Variants in CHADL observed in about 807,000 individuals in gnomAD.
The protein encoded by CHADL is chondroadherin like, also known as chondroadherin-like protein.
CHADL carries 48 observed loss-of-function variants against 52.1 expected under a neutral mutation model. The observed-to-expected ratio is 0.92, with a 90% CI of 0.73 to 1.17. CHADL has a LOEUF of 1.17. CHADL is among the 50% of genes most tolerant of loss of function. The probability of loss-of-function intolerance (pLI) is 0.00; values close to 1 mark genes in which losing one functional copy is unlikely to be tolerated. For synonymous variants in CHADL, 498 were observed against 511.2 expected (o/e 0.97, Z 0.35); for missense variants, 977 against 1,035.1 (o/e 0.94, Z 0.77).
In CHADL at chr22:41,230,079, G is replaced by A. The variant is rs560145749; in HGVS notation, c.2263-349C>T. ...GCCAGGTCCCTTTCCCAGCTCCTCC[G>A]CCCCCACCCCTCCCAGAGTTATTTA... On this transcript the variant is annotated intron_variant, in intron 5 of 5. Coordinates refer to ENST00000216241, the MANE Select transcript of CHADL (RefSeq NM_138481.2). 1,059 of 536,914 alleles carry A rather than the reference G, an allele frequency of 2.0e-3. 16 individuals are homozygous for A. The South Asian group carries it at 0.029, about 15-fold the overall frequency. The allele number at this position is 536,914 out of a possible 1,614,324, so 33.3% of individuals were successfully genotyped here.
At chr22:41,236,209 C>T (rs1055572624) in intron 4 of CHADL, among the ~76,000 whole-genome samples, 51 of 152,212 alleles carry the variant, frequency 3.4e-4, no homozygotes, top group African/African-American at 1.1e-3. Context: ...AAAGTGGTCT[C>T]GCCTACCTAT....
At position 41,237,213 on chromosome 22, in the gene CHADL, A is replaced by T; in HGVS notation, c.1859T>A (p.Leu620Gln). The change falls in exon 3 of 6, where the codon CTG (leucine) becomes CAG (glutamine). Residue 620 changes from leucine to glutamine, a missense_variant. Transcript: ENST00000216241. ...DGAFQPVGRS[L>Q]QHLFLNSSGL... ...ACTGCTGTTCAGGAAGAGGTGCTGC[A>T]GCGACCTGCCCACAGGCTGGAAGGC... 3 of 1,548,646 alleles carry T rather than the reference A, an allele frequency of 1.9e-6. No individual in the cohort carries two copies. Among genetic ancestry groups the T allele is most frequent in the Non-Finnish European group, 2.6e-6 (3 of 1,145,714 alleles).
Position 41,237,560 on chromosome 22 carries a change from T to C in CHADL, c.1512A>G (p.Leu504=), listed in dbSNP as rs1395001652. Residue 504 remains leucine (L), a synonymous_variant, in exon 3 of 6, where the codon CTA becomes CTG. Coordinates refer to ENST00000216241, the MANE Select transcript of CHADL (RefSeq NM_138481.2). ...GCACCTGCAGGAAACGGTTGCGTTC[T>C]AGGTACAGGTAGCCGAGGCGGGGAG... ...EGAPRLGYLY[L]ERNRFLQVPG... 5.2e-6 allele frequency: 8 copies of C among 1,550,320 alleles called. 1 individual carries two copies. The highest frequency in any genetic ancestry group is 3.6e-5 in the South Asian group (3 of 84,066).
At chr22:41,239,707 G>A in intron 1 of CHADL, 87 bp from the exon 2 acceptor site, 5 of 1,272,040 alleles carry the variant, frequency 3.9e-6, no homozygotes, top group Non-Finnish European at 4.2e-6. Flanking sequence ...TGCAGCTCCT[G>A]CCCCAAAAAC....
chr22:41,232,065 G>A (rs1042066998), intron 5 of CHADL, among the ~76,000 whole-genome samples: 10 of 152,202 alleles, frequency 6.6e-5, no homozygotes, highest in South Asian at 2.1e-4. Context: ...GGGCGCGGTG[G>A]CTCACGCCTG....
Position 41,235,141 on chromosome 22 carries a change from C to T in CHADL, c.2262+4G>A. The T allele has an allele frequency of 6.4e-7, 1 of 1,551,084 alleles. No homozygotes were observed. The highest frequency in any genetic ancestry group is 8.7e-7 in the Non-Finnish European group (1 of 1,147,020). ...GGTCTCACCCCTCCTGCCCCATGGC[C>T]AACCTTATCTGCTCCACACTGTCTT... On this transcript the variant is annotated splice_donor_region_variant and intron_variant, in intron 5 of 5. Coordinates refer to ENST00000216241, the MANE Select transcript of CHADL (RefSeq NM_138481.2).
intron 5 of CHADL, chr22:41,230,343 G>C (rs1311816808): frequency 1.1e-6 from 1 of 921,502 alleles, no homozygotes; most frequent in Non-Finnish European, 1.7e-6. Flanking sequence ...TTGGCTTGGA[G>C]ACTGATCCTC....
intron 5 of CHADL, chr22:41,230,337 C>A: frequency 1.0e-6 from 1 of 969,088 alleles, no homozygotes; most frequent in South Asian, 1.4e-5. Context: ...CTGACTTTGG[C>A]TTGGAGACTG....
intron 5 of CHADL, among the ~76,000 whole-genome samples, chr22:41,232,719 G>T (rs537552608): frequency 6.6e-6 from 1 of 152,146 alleles, no homozygotes; most frequent in Non-Finnish European, 1.5e-5. Flanking sequence ...GTGTGTAGGG[G>T]TGGGGACCCG....
Position 41,237,980 on chromosome 22 carries a change from T to C in CHADL, c.1092A>G (p.Glu364=). The C allele has an allele frequency of 7.9e-7, 1 of 1,259,580 alleles. No individual in the cohort carries two copies. Among genetic ancestry groups the C allele is most frequent in the South Asian group, 3.0e-5 (1 of 33,182 alleles). The allele number at this position is 1,259,580 out of a possible 1,614,324, so 78.0% of individuals were successfully genotyped here. A position where few individuals can be genotyped will look rare whatever the true frequency, so the allele number is the denominator to read the frequency against. Reference sequence around the variant, plus strand: ...CAGCCCGCTCTTCCAGCTCTTCCTCTTCCTGCGCCGCGTCCCCAGGGCAGC... The same window carrying C: ...CAGCCCGCTCTTCCAGCTCTTCCTCCTCCTGCGCCGCGTCCCCAGGGCAGC... ...DLRCPGDAAQ[E]EEELEERAVA... The change falls in exon 3 of 6, where the codon GAA becomes GAG. Residue 364 remains glutamate, a synonymous_variant. Transcript: ENST00000216241.
chr22:41,230,052 G>A (rs2032480052), intron 5 of CHADL: 6 of 959,974 alleles, frequency 6.3e-6, no homozygotes, highest in Non-Finnish European at 8.1e-6. Flanking sequence ...CATCTGTAGG[G>A]AGCCAGGTCC....
chr22:41,232,077 A>C (rs952388811), intron 5 of CHADL, among the ~76,000 whole-genome samples: 2 of 152,196 alleles, frequency 1.3e-5, no homozygotes, highest in Non-Finnish European at 2.9e-5. Context: ...TCACGCCTGT[A>C]ATCCCAGCAC....
Position 41,238,292 on chromosome 22 carries a change from C to A in CHADL, c.780G>T (p.Leu260=). ...GGGCCTGCAGGGCCCCGCCGTCCAG[C>A]AGCAGCTCCCGCAGGCCGGGCAGCG... ...GLALPGLREL[L]LDGGALQALG... The change falls in exon 3 of 6, where the codon CTG becomes CTT. Residue 260 remains leucine, a synonymous_variant. Coordinates refer to ENST00000216241, the MANE Select transcript of CHADL (RefSeq NM_138481.2). The surrounding 1 kb of genome is among the most constrained non-coding windows in gnomAD (Gnocchi z 4.9). 1.3e-6 allele frequency: 2 copies of A among 1,529,050 alleles called. No homozygotes were observed. Among genetic ancestry groups the A allele is most frequent in the Non-Finnish European group, 1.7e-6 (2 of 1,144,088 alleles). 94.7% of individuals were successfully genotyped at this position (1,529,050 alleles called of 1,614,324 possible).
intron 2 of CHADL, 48 bp downstream of exon 2, chr22:41,239,395 C>T (rs1439257267): frequency 2.0e-6 from 3 of 1,523,690 alleles, no homozygotes; most frequent in African/African-American, 2.8e-5. Context: ...CTCTGGGTCC[C>T]CACCTTGCCC....
chr22:41,240,062 C>T (rs1022115610), intron 1 of CHADL, among the ~76,000 whole-genome samples: 2 of 152,098 alleles, frequency 1.3e-5, no homozygotes, highest in Non-Finnish European at 2.9e-5. Flanking sequence ...GCATCCAGTC[C>T]GGGTCCTTGA....
intron 1 of CHADL, among the ~76,000 whole-genome samples, chr22:41,240,452 C>T (rs1457345928): frequency 1.3e-5 from 2 of 152,336 alleles, no homozygotes; most frequent in East Asian, 1.9e-4. Flanking sequence ...TGTTCCCCGG[C>T]CCCCAGGAGC....
chr22:41,240,900 T>A lies in CHADL; in HGVS notation c.-19A>T. ...CCTCCATGCCGCCTGGAACTGCTGG[T>A]CCAGCCTGGAGGCGCAGCGCAGGGA... On this transcript the variant is annotated 5_prime_UTR_variant, in exon 1 of 6. Transcript: ENST00000216241. 1 of 1,549,208 alleles carries A rather than the reference T, an allele frequency of 6.5e-7. No homozygotes were observed. The highest frequency in any genetic ancestry group is 8.7e-7 in the Non-Finnish European group (1 of 1,146,586).
chr22:41,233,489 G>A (rs2145631995), intron 5 of CHADL, among the ~76,000 whole-genome samples: 1 of 152,212 alleles, frequency 6.6e-6, no homozygotes, highest in Admixed American at 6.5e-5. Flanking sequence ...GGTGGAATTT[G>A]GGCAGAGACA....
Position 41,236,662 on chromosome 22 carries a change from T to C in CHADL, c.1897-12A>G, listed in dbSNP as rs1280626860. 5 of 1,544,114 alleles carry C rather than the reference T, an allele frequency of 3.2e-6. No homozygotes were observed. The highest frequency in any genetic ancestry group is 4.4e-6 in the Non-Finnish European group (5 of 1,145,356). ...GCCCCAGGACAAATCTGCAAGGAGTTGCCAGGCCCCAATGTGAGCTCCTGG... is the reference window on the plus strand; with the variant it reads ...GCCCCAGGACAAATCTGCAAGGAGTCGCCAGGCCCCAATGTGAGCTCCTGG... On this transcript the variant is annotated splice_polypyrimidine_tract_variant and intron_variant, in intron 3 of 5. Coordinates refer to ENST00000216241, the MANE Select transcript of CHADL (RefSeq NM_138481.2).
Sources: gnomAD v4.1 joint callset for allele counts (sites outside exome capture counted in the v4.1 genomes callset) on GRCh38, gnomAD v4.1.1 for gene constraint, Gnocchi (gnomAD v3.1) non-coding constraint, MANE v1.5 for transcripts, NCBI Gene and HGNC (gene_info 2026-07-23, HGNC 2026-07-21) for gene names.